The following SLC25A48 variants were observed in gnomAD, a reference collection of about 807,000 sequenced individuals.
SLC25A48 encodes the protein CTC-321K16.1.
Under a neutral mutation model 32.2 loss-of-function variants are expected in SLC25A48, and 29 were observed. That is an observed-to-expected ratio of 0.90 (90% confidence interval 0.67 to 1.23). The LOEUF (loss-of-function observed/expected upper bound fraction) is 1.23. Ranked by LOEUF, SLC25A48 falls within the 50% of genes most tolerant of loss-of-function variation. The pLI is 0.00. For synonymous variants in SLC25A48, 164 were observed against 172.3 expected (o/e 0.95, Z 0.38); for missense variants, 399 against 422.7 (o/e 0.94, Z 0.49).
In SLC25A48 at chr5:135,853,567, G is replaced by A. The variant is rs543172323; in HGVS notation, c.421+746G>A. Among the ~76,000 whole-genome samples, 24 of 152,296 alleles carry A rather than the reference G, an allele frequency of 1.6e-4. No individual in the cohort carries two copies. The South Asian group carries it at 2.3e-3, about 14-fold the overall frequency. The stretch of plus-strand genomic sequence containing the variant: ...ATCCATAAGAAGTAACTCTTCATCC[G>A]TTAAATATTATCATGAGATTGCACC... On this transcript the variant is annotated intron_variant, in intron 4 of 7. Coordinates refer to ENST00000681962, the MANE Select transcript of SLC25A48 (RefSeq NM_001349336.2).
intron 1 of SLC25A48, among the ~76,000 whole-genome samples, chr5:135,588,068 C>T (rs763019644): frequency 1.2e-4 from 19 of 152,168 alleles, no homozygotes; most frequent in Admixed American, 5.2e-4. Context: ...GAAAGCAGGG[C>T]GGGTTTGCTC....
rs2126870475 is a variant in SLC25A48, at chr5:135,583,162, A to C, written c.-849+3565A>C. Among the ~76,000 whole-genome samples the C allele has an allele frequency of 3.8e-5, 5 of 130,818 alleles. No homozygotes were observed. The South Asian group carries it at 1.4e-3, about 37-fold the overall frequency. The allele number at this position is 130,818 out of a possible 152,430, so 85.8% of individuals were successfully genotyped here. A position where few individuals can be genotyped will look rare whatever the true frequency, so the allele number is the denominator to read the frequency against. On this transcript the variant is annotated intron_variant, in intron 1 of 10. Transcript: ENST00000646290. Reference sequence around the variant, plus strand: ...CAGGCTGCACAGGCTACAAGGTTGCATGTGAGAAAGTGTGTGTGCGTGTGT... The same window carrying C: ...CAGGCTGCACAGGCTACAAGGTTGCCTGTGAGAAAGTGTGTGTGCGTGTGT...
chr5:135,800,097 C>T (rs142732845), intron 3 of SLC25A48, among the ~76,000 whole-genome samples: 1 of 151,590 alleles, frequency 6.6e-6, no homozygotes, highest in Non-Finnish European at 1.5e-5. Flanking sequence ...TTCTAATACC[C>T]AGGTGGAAAA....
chr5:135,784,550 T>C lies in SLC25A48; in HGVS notation c.-520-27973T>C, dbSNP rs1310559043. On this transcript the variant is annotated intron_variant, in intron 3 of 10. Coordinates refer to the SLC25A48 transcript ENST00000646290. ...GGAGTTGATGATATTACCCCCAATA[T>C]TGCAGAAAGTGTACACCCACCACGT... Among the ~76,000 whole-genome samples the C allele has an allele frequency of 4.2e-4, 50 of 117,656 alleles. 11 individuals carry two copies. The highest frequency in any genetic ancestry group is 2.1e-3 in the Admixed American group (24 of 11,532). The allele number at this position is 117,656 out of a possible 152,430, so 77.2% of individuals were successfully genotyped here.
At chr5:135,871,863 C>G in intron 5 of SLC25A48, 145 bp downstream of exon 5, 1 of 1,517,620 alleles carries the variant, frequency 6.6e-7, no homozygotes. Context: ...GGTACCTACT[C>G]TGTCCCCGGC....
chr5:135,595,786 A>T (rs1751635801), intron 1 of SLC25A48, among the ~76,000 whole-genome samples: 4 of 152,230 alleles, frequency 2.6e-5, no homozygotes, highest in Non-Finnish European at 5.9e-5. Flanking sequence ...TGTAAAGCCC[A>T]TGACAGTGAC....
intron 6 of SLC25A48, chr5:135,874,760 A>G: frequency 1.4e-6 from 1 of 694,996 alleles, no homozygotes; most frequent in Non-Finnish European, 2.6e-6. Context: ...CCACCTGAAA[A>G]GGTGCTGCCC....
intron 3 of SLC25A48, among the ~76,000 whole-genome samples, chr5:135,750,806 T>C (rs1237415683): frequency 2.0e-5 from 3 of 152,180 alleles, no homozygotes; most frequent in African/African-American, 7.2e-5. Flanking sequence ...GGTTCTATTC[T>C]ACCCCTTAAC....
Position 135,637,730 on chromosome 5 carries a change from C to T in SLC25A48, c.-521+2774C>T, listed in dbSNP as rs574169182. ...ACAAGGTGGGTTAGGGGGCTCAACC[C>T]CTGTTCTTTGTTAAGGTGGCATCCT... is the stretch of plus-strand genomic sequence containing the variant. On this transcript the variant is annotated intron_variant, in intron 3 of 10. Coordinates refer to the SLC25A48 transcript ENST00000646290. Among the ~76,000 whole-genome samples the T allele has an allele frequency of 3.3e-5, 5 of 152,262 alleles. No homozygotes were observed. The South Asian group carries it at 1.0e-3, about 32-fold the overall frequency.
intron 3 of SLC25A48, among the ~76,000 whole-genome samples, chr5:135,672,981 A>G (rs116010019): frequency 6.6e-6 from 1 of 152,192 alleles, no homozygotes; most frequent in Non-Finnish European, 1.5e-5. Context: ...GAGATCATAC[A>G]GTATATATAT....
At chr5:135,706,204 C>T (rs1039868114) in intron 3 of SLC25A48, among the ~76,000 whole-genome samples, 5 of 152,150 alleles carry the variant, frequency 3.3e-5, no homozygotes, top group Non-Finnish European at 7.4e-5. Context: ...GCTGGGCAGC[C>T]AGGAGGGAGA....
At chr5:135,731,262 G>A (rs907811378) in intron 3 of SLC25A48, among the ~76,000 whole-genome samples, 3 of 152,194 alleles carry the variant, frequency 2.0e-5, no homozygotes, top group Admixed American at 6.5e-5. Flanking sequence ...AGTGTCATCA[G>A]TTAAGGCAGG....
At chr5:135,771,168 C>T (rs564340577) in intron 3 of SLC25A48, among the ~76,000 whole-genome samples, 9 of 151,342 alleles carry the variant, frequency 5.9e-5, no homozygotes, top group East Asian at 2.0e-4. Flanking sequence ...ATTTCAATAT[C>T]GCGGGTGGTG....
At chr5:135,768,056 C>A (rs1481346335) in intron 3 of SLC25A48, among the ~76,000 whole-genome samples, 1 of 149,348 alleles carries the variant, frequency 6.7e-6, no homozygotes, top group African/African-American at 2.5e-5. Flanking sequence ...GATGATATTA[C>A]TCCCAATATC....
chr5:135,868,499 G>GAAACTGGT (rs1254834797), intron 4 of SLC25A48, among the ~76,000 whole-genome samples: 6 of 152,194 alleles, frequency 3.9e-5, no homozygotes, highest in Non-Finnish European at 8.8e-5. Flanking sequence ...GTAGCTATAT[G>GAAACTGGT]AAACTGGTAA....
chr5:135,880,665 T>C (rs1268154776), intron 7 of SLC25A48, among the ~76,000 whole-genome samples: 1 of 152,166 alleles, frequency 6.6e-6, no homozygotes, highest in African/African-American at 2.4e-5. Flanking sequence ...TGTGCTCACA[T>C]GCCCTCCTTG....
At chr5:135,786,561 A>T (rs560072758) in intron 3 of SLC25A48, among the ~76,000 whole-genome samples, 159 of 152,116 alleles carry the variant, frequency 1.0e-3, no homozygotes, top group African/African-American at 3.6e-3. Flanking sequence ...TTTATTGTTT[A>T]TGATACTATA....
At chr5:135,690,487 G>A (rs1410353671) in intron 3 of SLC25A48, among the ~76,000 whole-genome samples, 2 of 152,154 alleles carry the variant, frequency 1.3e-5, no homozygotes, top group Admixed American at 1.3e-4. Context: ...TAAAACATGA[G>A]TGATTCTAGA....
At chr5:135,813,213 C>T (rs1561505162) in intron 4 of SLC25A48, 1 of 152,396 alleles carries the variant, frequency 6.6e-6, no homozygotes, top group African/African-American at 2.4e-5. Context: ...AGGTTCATAA[C>T]TCAAATGGGG....
Sources: allele counts gnomAD v4.1 joint callset (sites outside exome capture counted in the v4.1 genomes callset), GRCh38; gene constraint gnomAD v4.1.1; transcripts MANE v1.5; gene names NCBI Gene and HGNC (gene_info 2026-07-23, HGNC 2026-07-21).